The following PPP2R2C variants were observed in gnomAD, a reference collection of about 807,000 sequenced individuals.
PPP2R2C encodes the protein protein phosphatase 2 regulatory subunit Bgamma, also known as protein phosphatase 2, regulatory subunit B, gamma.
A neutral mutation model predicts 45.3 loss-of-function variants in PPP2R2C; 10 were observed. The ratio of observed to expected loss-of-function variants is 0.22; its 90% confidence interval spans 0.14 to 0.37. PPP2R2C has a LOEUF of 0.37. Among genes scored for constraint, PPP2R2C ranks in the 10% least tolerant of loss-of-function variants. PPP2R2C has a pLI of 1.00. For missense variants in PPP2R2C, 308 were observed against 619.7 expected, an observed-to-expected ratio of 0.50 and a Z score of 5.34; for synonymous variants, 257 against 245.4, an observed-to-expected ratio of 1.05 and a Z score of -0.44.
At chr4:6,425,480 TGG>T (rs1418825394) in intron 1 of PPP2R2C, among the ~76,000 whole-genome samples, 1 of 152,182 alleles carries the variant, frequency 6.6e-6, no homozygotes. Context: ...GCTGGAAGTC[TGG>T]GGGTGTCCCC....
intron 6 of PPP2R2C, among the ~76,000 whole-genome samples, chr4:6,341,209 G>A (rs1011454927): frequency 5.3e-5 from 8 of 152,198 alleles, no homozygotes; most frequent in South Asian, 2.1e-4. Flanking sequence ...TGTGGTGGCC[G>A]GCACCTGCAA....
Position 6,425,815 on chromosome 4 carries a change from G to A in PPP2R2C, c.71-44721C>T, listed in dbSNP as rs969142649. ...CAGGGCCCAGAATCGATGCTTGGCT[G>A]TGTGTGTGTGTGTGTGTGTGTGGTG... On this transcript the variant is annotated intron_variant, in intron 1 of 8. Coordinates refer to ENST00000382599, the MANE Select transcript of PPP2R2C (RefSeq NM_020416.4). Among the ~76,000 whole-genome samples, 13 of 143,196 alleles carry A rather than the reference G, an allele frequency of 9.1e-5. 1 individual carries two copies. The highest frequency in any genetic ancestry group is 8.4e-4 in the Admixed American group (12 of 14,246). 93.9% of individuals were successfully genotyped at this position (143,196 alleles called of 152,430 possible).
intron 2 of PPP2R2C, chr4:6,535,241 G>A: frequency 6.5e-7 from 1 of 1,534,756 alleles, no homozygotes; most frequent in Non-Finnish European, 8.7e-7. Context: ...CACCGGCGCT[G>A]CTGCCCGGCT....
chr4:6,413,967 G>C, intron 1 of PPP2R2C: 1 of 1,535,912 alleles, frequency 6.5e-7, no homozygotes, highest in Non-Finnish European at 8.7e-7. Flanking sequence ...CTCCCTGGTG[G>C]CTCTGCAGTT....
At chr4:6,412,057 C>T (rs544678724) in intron 1 of PPP2R2C, among the ~76,000 whole-genome samples, 6 of 152,322 alleles carry the variant, frequency 3.9e-5, no homozygotes, top group African/African-American at 1.4e-4. Context: ...TGATGTCCAG[C>T]TCTGGGCCCC....
At chr4:6,392,644 A>G (rs951184244) in intron 1 of PPP2R2C, among the ~76,000 whole-genome samples, 3 of 152,186 alleles carry the variant, frequency 2.0e-5, no homozygotes, top group African/African-American at 7.2e-5. Flanking sequence ...ATGGGGCAGG[A>G]CATGAGCTCA....
intron 2 of PPP2R2C, among the ~76,000 whole-genome samples, chr4:6,493,298 T>C (rs1018495670): frequency 4.0e-5 from 6 of 151,658 alleles, no homozygotes; most frequent in Non-Finnish European, 8.8e-5. Flanking sequence ...TAAAATTCGT[T>C]GTTTATCAGG....
chr4:6,321,734 G>A lies in PPP2R2C; in HGVS notation c.*1568C>T, dbSNP rs1449308025. On this transcript the variant is annotated 3_prime_UTR_variant, in exon 9 of 9. Transcript: ENST00000382599. ...TTTCTGAATCAAAATGCCAAACTAC[G>A]TGGCTCTGCTGCAAGTCCATGAGCA... The A allele has an allele frequency of 2.6e-5, 4 of 152,042 alleles. No individual in the cohort carries two copies. The highest frequency in any genetic ancestry group is 5.9e-5 in the Non-Finnish European group (4 of 68,026). 9.4% of individuals were successfully genotyped at this position (152,042 alleles called of 1,614,324 possible).
Position 6,355,683 on chromosome 4 carries a change from C to T in PPP2R2C, c.626-7673G>A, listed in dbSNP as rs573934611. On this transcript the variant is annotated intron_variant, in intron 5 of 8. Coordinates refer to ENST00000382599, the MANE Select transcript of PPP2R2C (RefSeq NM_020416.4). Reference sequence around the variant, plus strand: ...CAGCGTGTTGAAAGTATTGCTGCTGCGGTACAAACGCAAGAGTGCTGTGCT... The same window carrying T: ...CAGCGTGTTGAAAGTATTGCTGCTGTGGTACAAACGCAAGAGTGCTGTGCT... Among the ~76,000 whole-genome samples, 38 of 152,020 alleles carry T rather than the reference C, an allele frequency of 2.5e-4. No individual in the cohort carries two copies. The South Asian group carries it at 6.2e-3, about 25-fold the overall frequency.
chr4:6,477,634 G>A (rs976012726), intron 2 of PPP2R2C, among the ~76,000 whole-genome samples: 3 of 150,122 alleles, frequency 2.0e-5, no homozygotes, highest in Non-Finnish European at 4.4e-5. Context: ...GCTGAGGCAG[G>A]AGAAGGGTGT....
chr4:6,348,161 CT>C (rs893773617), intron 5 of PPP2R2C, 151 bp from the exon 6 acceptor site: 16 of 879,790 alleles, frequency 1.8e-5, no homozygotes, highest in African/African-American at 3.4e-5. Flanking sequence ...ATGCGTCCCC[CT>C]GAGCTGCAGA....
chr4:6,504,591 C>A (rs1274199681), intron 2 of PPP2R2C, among the ~76,000 whole-genome samples: 1 of 151,930 alleles, frequency 6.6e-6, no homozygotes. Context: ...GTAGTCTCAG[C>A]AAAGAAATAG....
rs1324353908 is a variant in PPP2R2C, at chr4:6,329,185, G to C, written c.1052+77C>G. ...AGTAGCCCCATGCTGCGGGTCACCGGAATCCCAGCCCAGACCCCTGCAGGG... is the reference window on the plus strand; with the variant it reads ...AGTAGCCCCATGCTGCGGGTCACCGCAATCCCAGCCCAGACCCCTGCAGGG... On this transcript the variant is annotated intron_variant, in intron 8 of 8. Coordinates refer to ENST00000382599, the MANE Select transcript of PPP2R2C (RefSeq NM_020416.4). This position sits in a 1 kb window ranked among gnomAD's most constrained non-coding sequence, Gnocchi z 5.8. 1 of 1,414,122 alleles carries C rather than the reference G, an allele frequency of 7.1e-7. No homozygotes were observed. Among genetic ancestry groups the C allele is most frequent in the African/African-American group, 1.4e-5 (1 of 71,146 alleles). 87.6% of individuals were successfully genotyped at this position (1,414,122 alleles called of 1,614,324 possible).
At chr4:6,559,585 G>T (rs1306333414) in intron 1 of PPP2R2C, among the ~76,000 whole-genome samples, 1 of 152,134 alleles carries the variant, frequency 6.6e-6, no homozygotes, top group South Asian at 2.1e-4. Flanking sequence ...TGGACTGGAT[G>T]CTTGTGTCCC....
chr4:6,372,366 G>C (rs370953335), intron 5 of PPP2R2C, among the ~76,000 whole-genome samples, 157 bp downstream of exon 5: 1 of 152,182 alleles, frequency 6.6e-6, no homozygotes, highest in Non-Finnish European at 1.5e-5. Context: ...TTGTATCTGG[G>C]CCTCACACGC....
intron 1 of PPP2R2C, among the ~76,000 whole-genome samples, chr4:6,554,007 C>T (rs948074906): frequency 1.3e-5 from 2 of 152,162 alleles, no homozygotes; most frequent in African/African-American, 2.4e-5. Context: ...CCCAAACACA[C>T]CACGCCTAAT....
chr4:6,363,133 G>A (rs1408110016), intron 5 of PPP2R2C, among the ~76,000 whole-genome samples: 6 of 152,148 alleles, frequency 3.9e-5, no homozygotes, highest in East Asian at 1.9e-4. Context: ...GCCATGGCAC[G>A]CAGGAAGCCC....
At chr4:6,551,149 T>G (rs1725171164) in intron 1 of PPP2R2C, among the ~76,000 whole-genome samples, 1 of 152,208 alleles carries the variant, frequency 6.6e-6, no homozygotes, top group African/African-American at 2.4e-5. Flanking sequence ...TGCTGCAGTA[T>G]CCACATGTGT....
intron 1 of PPP2R2C, chr4:6,384,301 T>G (rs975965988): frequency 1.0e-6 from 1 of 985,394 alleles, no homozygotes; most frequent in African/African-American, 1.7e-5. Flanking sequence ...ATGCTTGTAA[T>G]GATCTACATC....
Sources: allele counts gnomAD v4.1 joint callset (sites outside exome capture counted in the v4.1 genomes callset), GRCh38; gene constraint gnomAD v4.1.1; non-coding constraint Gnocchi (gnomAD v3.1); transcripts MANE v1.5; gene names NCBI Gene and HGNC (gene_info 2026-07-23, HGNC 2026-07-21).